Variants in COL19A1 observed in about 807,000 individuals in gnomAD.
COL19A1 encodes the protein collagen alpha-1(XIX) chain.
Under a neutral mutation model 190.2 loss-of-function variants are expected in COL19A1, and 159 were observed. The observed-to-expected ratio is 0.84, with a 90% confidence interval of 0.73 to 0.95. The LOEUF is 0.95. Among genes scored for constraint, COL19A1 ranks in the 40% least tolerant of loss-of-function variants. The pLI, the probability that COL19A1 is intolerant of heterozygous loss-of-function variation, is 0.00. For missense variants in COL19A1, 1,418 were observed against 1,431.9 expected (o/e 0.99, Z 0.16); for synonymous variants, 509 against 458.9 (o/e 1.11, Z -1.39).
intron 6 of COL19A1, among the ~76,000 whole-genome samples, chr6:69,930,688 C>G (rs1310118749): frequency 6.6e-6 from 1 of 152,012 alleles, no homozygotes; most frequent in Non-Finnish European, 1.5e-5. Context: ...TGTGGTGGCA[C>G]ACGCCTGTAA....
intron 10 of COL19A1, among the ~76,000 whole-genome samples, chr6:69,962,319 A>G (rs1774850680): frequency 6.6e-6 from 1 of 152,226 alleles, no homozygotes. Context: ...GAAGAAGCAT[A>G]GCACTGGTGT....
intron 9 of COL19A1, among the ~76,000 whole-genome samples, chr6:69,958,523 T>C (rs1394197439): frequency 6.6e-6 from 1 of 152,198 alleles, no homozygotes; most frequent in Non-Finnish European, 1.5e-5. Flanking sequence ...ATGCCTGAGG[T>C]CTAAAACTAT....
intron 44 of COL19A1, among the ~76,000 whole-genome samples, chr6:70,181,274 C>T (rs551622462): frequency 6.6e-6 from 1 of 152,084 alleles, no homozygotes; most frequent in Non-Finnish European, 1.5e-5. Flanking sequence ...CTCTGTGAAA[C>T]CTTCAGGGTT....
chr6:70,169,127 G>A (rs905025148), intron 40 of COL19A1, among the ~76,000 whole-genome samples: 4 of 152,094 alleles, frequency 2.6e-5, no homozygotes, highest in African/African-American at 9.7e-5. Context: ...TTATTTTGCA[G>A]GAGATATGTT....
intron 49 of COL19A1, among the ~76,000 whole-genome samples, chr6:70,206,172 T>C (rs1283544881): frequency 1.3e-5 from 2 of 152,248 alleles, no homozygotes; most frequent in Admixed American, 6.5e-5. Context: ...TATCTTGTTC[T>C]CATTTTAAGC....
chr6:70,166,363 G>T (rs802176), intron 37 of COL19A1, among the ~76,000 whole-genome samples: 108,626 of 152,236 alleles, frequency 0.71, 39,547 homozygotes, highest in African/African-American at 0.87. Context: ...GTAGAAAATC[G>T]GATATTATGC....
At chr6:69,922,120 T>C (rs1161939660) in intron 4 of COL19A1, among the ~76,000 whole-genome samples, 2 of 152,002 alleles carry the variant, frequency 1.3e-5, no homozygotes, top group Non-Finnish European at 2.9e-5. Context: ...ACAACAAGCA[T>C]AGTTTGTAAG....
At chr6:70,010,656 T>C (rs1222794432) in intron 11 of COL19A1, among the ~76,000 whole-genome samples, 1 of 138,404 alleles carries the variant, frequency 7.2e-6, no homozygotes, top group South Asian at 2.3e-4. Flanking sequence ...TCAGACCGGC[T>C]TAAGAAACGG....
At chr6:70,120,891 A>G (rs1326224252) in intron 16 of COL19A1, among the ~76,000 whole-genome samples, 1 of 152,232 alleles carries the variant, frequency 6.6e-6, no homozygotes, top group Non-Finnish European at 1.5e-5. Flanking sequence ...TGCATCAGTG[A>G]GTGCAGCTAA....
chr6:70,154,107 A>ACCCCCCCCCCCCC (rs1174932629), intron 31 of COL19A1, among the ~76,000 whole-genome samples: 2 of 70,258 alleles, frequency 2.8e-5, no homozygotes, highest in Non-Finnish European at 6.1e-5. Context: ...TCCCTCCCCT[A>ACCCCCCCCCCCCC]CCCCCCCCAA....
At chr6:69,925,171 C>T (rs907335679) in intron 4 of COL19A1, among the ~76,000 whole-genome samples, 3 of 152,126 alleles carry the variant, frequency 2.0e-5, no homozygotes, top group African/African-American at 7.2e-5. Context: ...AAGCCTATGT[C>T]CTGAATGGTA....
intron 4 of COL19A1, among the ~76,000 whole-genome samples, chr6:69,917,204 T>C (rs1463597473): frequency 6.6e-6 from 1 of 152,202 alleles, no homozygotes; most frequent in African/African-American, 2.4e-5. Flanking sequence ...AAGAAACTGA[T>C]GTGTTTGTTA....
At chr6:70,105,372 G>T (rs1267121634) in intron 16 of COL19A1, among the ~76,000 whole-genome samples, 2 of 151,952 alleles carry the variant, frequency 1.3e-5, no homozygotes, top group Non-Finnish European at 2.9e-5. Flanking sequence ...TGGCCAGGAT[G>T]GTCTCGATCT....
In COL19A1 at chr6:70,035,246, C is replaced by T. The variant is rs144592839; in HGVS notation, c.1135-658C>T. ...TAAATAAAGTTCCTGGGAAAGTAAACATGAAGGTGACATAGAAATTGGAAA... is the reference window on the plus strand; with the variant it reads ...TAAATAAAGTTCCTGGGAAAGTAAATATGAAGGTGACATAGAAATTGGAAA... On this transcript the variant is annotated intron_variant, in intron 13 of 50. Transcript: ENST00000620364. 2.0e-5 allele frequency among the ~76,000 whole-genome samples: 3 copies of T among 152,236 alleles called. No homozygotes were observed. In the East Asian group the frequency reaches 5.8e-4, roughly 29 times the overall value.
rs772462484 is a variant in COL19A1 at position 70,149,890 on chromosome 6, A to C, written c.1969A>C (p.Thr657Pro). The C allele has an allele frequency of 1.2e-5, 19 of 1,613,382 alleles. No homozygotes were observed. The highest frequency in any genetic ancestry group is 1.5e-5 in the Non-Finnish European group (18 of 1,179,726). Reference protein sequence around the residue: ...GLPGLPGTPGTPGNDGVPGRD... With the variant: ...GLPGLPGTPGPPGNDGVPGRD... ...CCCTGGGTTGCCAGGAACTCCAGGGACTCCAGGGAATGATGTAAGGACTTT... is the reference window on the plus strand; with the variant it reads ...CCCTGGGTTGCCAGGAACTCCAGGGCCTCCAGGGAATGATGTAAGGACTTT... The change falls in exon 29 of 51, where the codon ACT becomes CCT. Residue 657 changes from threonine to proline, a missense_variant. Thr to Pro is a conservative substitution (Grantham distance 38, BLOSUM62 -1). Coordinates refer to ENST00000620364, the MANE Select transcript of COL19A1 (RefSeq NM_001858.6).
chr6:69,917,002 A>G (rs1323536584), intron 4 of COL19A1, among the ~76,000 whole-genome samples: 4 of 152,216 alleles, frequency 2.6e-5, no homozygotes, highest in African/African-American at 9.7e-5. Flanking sequence ...GAGATGATTG[A>G]TCTAAATTAC....
At chr6:70,059,283 A>C (rs1780685984) in intron 14 of COL19A1, among the ~76,000 whole-genome samples, 1 of 152,162 alleles carries the variant, frequency 6.6e-6, no homozygotes, top group African/African-American at 2.4e-5. Flanking sequence ...GTAATACTTT[A>C]AAATGAAACT....
chr6:70,185,286 T>C (rs1237271915), intron 46 of COL19A1, among the ~76,000 whole-genome samples: 1 of 152,166 alleles, frequency 6.6e-6, no homozygotes, highest in African/African-American at 2.4e-5. Flanking sequence ...ATTGTTGTGG[T>C]TGGCTGTTTG....
chr6:69,884,758 G>C (rs1294455772), intron 2 of COL19A1, among the ~76,000 whole-genome samples: 3 of 151,966 alleles, frequency 2.0e-5, no homozygotes, highest in African/African-American at 7.3e-5. Flanking sequence ...AAGGAGAAGG[G>C]GTAAACATCT....
Sources: allele counts gnomAD v4.1 joint callset (sites outside exome capture counted in the v4.1 genomes callset), GRCh38; gene constraint gnomAD v4.1.1; transcripts MANE v1.5; gene names NCBI Gene and HGNC (gene_info 2026-07-23, HGNC 2026-07-21).